Variants in CACNA1H observed in about 807,000 individuals in gnomAD.
The protein encoded by CACNA1H is voltage-dependent T-type calcium channel subunit alpha-1H.
CACNA1H carries 149 observed loss-of-function variants against 192.5 expected under a neutral mutation model. The ratio of observed to expected loss-of-function variants is 0.77; its 90% CI spans 0.68 to 0.89. The LOEUF is 0.89. CACNA1H is among the 40% of genes least tolerant of loss of function. The probability of loss-of-function intolerance (pLI) is 0.00; values close to 1 mark genes in which losing one functional copy is unlikely to be tolerated. For synonymous variants in CACNA1H, 2,202 were observed against 1,475.2 expected (o/e 1.49, Z -11.29); for missense variants, 4,257 against 3,423.5 (o/e 1.24, Z -6.08).
At chr16:1,177,306 C>T (rs1354692466) in intron 2 of CACNA1H, among the ~76,000 whole-genome samples, 5 of 152,202 alleles carry the variant, frequency 3.3e-5, no homozygotes, top group Non-Finnish European at 7.3e-5. Flanking sequence ...GCCTCAGCCC[C>T]GGCTCTGACA....
chr16:1,189,484 G>A (rs568602332), intron 2 of CACNA1H, among the ~76,000 whole-genome samples: 29 of 139,802 alleles, frequency 2.1e-4, no homozygotes, highest in Admixed American at 9.5e-4. Flanking sequence ...TGGCACGATC[G>A]TGGCTCACTG....
chr16:1,172,890 C>T (rs1344341599), intron 2 of CACNA1H, among the ~76,000 whole-genome samples: 2 of 150,606 alleles, frequency 1.3e-5, no homozygotes, highest in East Asian at 2.0e-4. Context: ...AGGACAGCCC[C>T]GTGGGGACTC....
At chr16:1,157,967 T>A (rs1962649410) in intron 2 of CACNA1H, 1 of 152,170 alleles carries the variant, frequency 6.6e-6, no homozygotes, top group Non-Finnish European at 1.5e-5. Context: ...GGGCTGCCCG[T>A]GCCTTGCCCG....
intron 2 of CACNA1H, among the ~76,000 whole-genome samples, chr16:1,175,035 G>T (rs753634906): frequency 1.3e-5 from 2 of 151,988 alleles, no homozygotes. Flanking sequence ...CCAGCTAGGT[G>T]GTGGCTCCGT....
At chr16:1,182,153 G>A (rs1023175199) in intron 2 of CACNA1H, among the ~76,000 whole-genome samples, 3 of 152,180 alleles carry the variant, frequency 2.0e-5, no homozygotes, top group Non-Finnish European at 4.4e-5. Flanking sequence ...CTGAGACAGC[G>A]CAGGTGATGT....
intron 2 of CACNA1H, among the ~76,000 whole-genome samples, chr16:1,177,439 C>G (rs1426162317): frequency 6.6e-6 from 1 of 152,226 alleles, no homozygotes; most frequent in Non-Finnish European, 1.5e-5. Context: ...GCCCCGGAGT[C>G]CCCCAAGCTG....
chr16:1,163,019 G>A (rs1043902855), intron 2 of CACNA1H, among the ~76,000 whole-genome samples: 4 of 152,252 alleles, frequency 2.6e-5, no homozygotes, highest in Admixed American at 1.3e-4. Flanking sequence ...CCGGTGCTCT[G>A]CCTGCCTGGA....
In CACNA1H at chr16:1,212,147, CTCCCGG is replaced by C; in HGVS notation, c.4759+11_4759+16del. 6.3e-7 allele frequency: 1 copy of C among 1,599,462 alleles called. No homozygotes were observed. Among genetic ancestry groups the C allele is most frequent in the African/African-American group, 1.3e-5 (1 of 74,866 alleles). ...AGAGAGGAGGCGCAGGAGTAAGGCG[CTCCCGG>C]TGGCGGTGGCGGTGGCGGGTCGGTA... On this transcript the variant is annotated intron_variant, in intron 25 of 34. Coordinates refer to ENST00000348261, the MANE Select transcript of CACNA1H (RefSeq NM_021098.3).
intron 6 of CACNA1H, among the ~76,000 whole-genome samples, chr16:1,199,152 C>T (rs1336622030): frequency 1.8e-5 from 1 of 56,810 alleles, no homozygotes; most frequent in Non-Finnish European, 3.9e-5. Flanking sequence ...GCCCACCGTG[C>T]GGTCGCTGCA....
At chr16:1,170,962 AG>A (rs1964308198) in intron 2 of CACNA1H, among the ~76,000 whole-genome samples, 1 of 151,964 alleles carries the variant, frequency 6.6e-6, no homozygotes, top group Non-Finnish European at 1.5e-5. Context: ...TCTGCTCCCC[AG>A]GGGGACAGGT....
intron 2 of CACNA1H, among the ~76,000 whole-genome samples, chr16:1,183,687 C>T (rs910352661): frequency 6.6e-6 from 1 of 152,268 alleles, no homozygotes; most frequent in African/African-American, 2.4e-5. Flanking sequence ...TCCCGTCCTG[C>T]AGGTTTGATG....
rs1204207538 is a variant in CACNA1H, at chr16:1,180,480, C to G, written c.300-14492C>G. ...ACTGGAGGTGCCGTGGAGGGTGGGC[C>G]TGTGTCCTGGTGTCCCTGGCGTCCC... On this transcript the variant is annotated intron_variant, in intron 2 of 34. Transcript: ENST00000348261. This position sits in a 1 kb window ranked among gnomAD's most constrained non-coding sequence, Gnocchi z 4.4. Among the ~76,000 whole-genome samples the G allele has an allele frequency of 6.6e-6, 1 of 152,132 alleles. No individual in the cohort carries two copies. Among genetic ancestry groups the G allele is most frequent in the Non-Finnish European group, 1.5e-5 (1 of 68,008 alleles).
intron 2 of CACNA1H, among the ~76,000 whole-genome samples, chr16:1,163,378 T>C (rs1433672188): frequency 6.6e-6 from 1 of 152,156 alleles, no homozygotes; most frequent in East Asian, 1.9e-4. Context: ...CACCTCGTGC[T>C]CCCGGGAGGG....
chr16:1,192,140 C>T (rs1024349727), intron 2 of CACNA1H, among the ~76,000 whole-genome samples: 1 of 152,218 alleles, frequency 6.6e-6, no homozygotes, highest in Admixed American at 6.5e-5. Flanking sequence ...GACAGCACCC[C>T]ATCCCCCACT....
In CACNA1H at chr16:1,212,163, C is replaced by T. The variant is rs746377155; in HGVS notation, c.4759+25C>T. 56 of 1,590,572 alleles carry T rather than the reference C, an allele frequency of 3.5e-5. No individual in the cohort carries two copies. The East Asian group carries it at 4.7e-4, about 13-fold the overall frequency. On this transcript the variant is annotated intron_variant, in intron 25 of 34. Transcript: ENST00000348261. ...AGTAAGGCGCTCCCGGTGGCGGTGG[C>T]GGTGGCGGGTCGGTACCTGTGTGCC...
chr16:1,190,674 C>T (rs1307399583), intron 2 of CACNA1H, among the ~76,000 whole-genome samples: 1 of 152,256 alleles, frequency 6.6e-6, no homozygotes, highest in Non-Finnish European at 1.5e-5. Flanking sequence ...GCTATACCAC[C>T]GTCCCCTCCA....
At chr16:1,219,902 G>GT (rs1173778377) in intron 34 of CACNA1H, 79 bp from the exon 35 acceptor site, 1 of 1,140,424 alleles carries the variant, frequency 8.8e-7, no homozygotes, top group African/African-American at 1.6e-5. Flanking sequence ...TACCTGGATG[G>GT]TGAGGGGTCT....
At chr16:1,160,674 G>A (rs894465654) in intron 2 of CACNA1H, among the ~76,000 whole-genome samples, 3 of 152,200 alleles carry the variant, frequency 2.0e-5, no homozygotes, top group South Asian at 2.1e-4. Flanking sequence ...CGGGAGAAGC[G>A]GGCCGTTGGC....
chr16:1,220,260 C>A lies in CACNA1H; in HGVS notation c.6328C>A (p.Pro2110Thr), dbSNP rs746537400. The part of the protein sequence containing the change: ...EVSHITSSAC[P>T]WQPTAEPHGP... ...CAGCCACATCACCAGCTCCGCCTGC[C>A]CCTGGCAGCCCACAGCCGAGCCCCA... is the stretch of plus-strand genomic sequence containing the variant. The change falls in exon 35 of 35, where the codon CCC becomes ACC. Residue 2110 changes from proline (P) to threonine (T), a missense_variant. Coordinates refer to ENST00000348261, the MANE Select transcript of CACNA1H (RefSeq NM_021098.3). 1 of 1,587,136 alleles carries A rather than the reference C, an allele frequency of 6.3e-7. No individual in the cohort carries two copies. Among genetic ancestry groups the A allele is most frequent in the Admixed American group, 1.7e-5 (1 of 58,688 alleles).
Sources: gnomAD v4.1 joint callset for allele counts (sites outside exome capture counted in the v4.1 genomes callset) on GRCh38, gnomAD v4.1.1 for gene constraint, Gnocchi (gnomAD v3.1) non-coding constraint, MANE v1.5 for transcripts, NCBI Gene and HGNC (gene_info 2026-07-23, HGNC 2026-07-21) for gene names.